Variants in ACTN1 observed in about 807,000 individuals in gnomAD.
The protein encoded by ACTN1 is alpha-actinin-1.
Under a neutral mutation model 119.6 loss-of-function variants are expected in ACTN1, and 30 were observed. The observed-to-expected ratio is 0.25, with a 90% CI of 0.19 to 0.34. The LOEUF is 0.34. Among genes scored for constraint, ACTN1 ranks in the 10% least tolerant of loss-of-function variants. The pLI is 1.00. For synonymous variants in ACTN1, 429 were observed against 472.6 expected, an observed-to-expected ratio of 0.91 and a Z score of 1.20; for missense variants, 764 against 1,223.4, an observed-to-expected ratio of 0.62 and a Z score of 5.60.
chr14:68,894,517 G>A (rs557092963), intron 8 of ACTN1, among the ~76,000 whole-genome samples: 7 of 152,302 alleles, frequency 4.6e-5, no homozygotes, highest in South Asian at 2.1e-4. Context: ...GTGGGAGAGC[G>A]CCTTCTGCAG....
intron 8 of ACTN1, among the ~76,000 whole-genome samples, chr14:68,894,644 G>A (rs1319217233): frequency 3.9e-5 from 6 of 151,998 alleles, no homozygotes; most frequent in African/African-American, 1.5e-4. Context: ...CCTACACCAA[G>A]GGGGAAGTGA....
At position 68,910,738 on chromosome 14, in the gene ACTN1, G is replaced by A. The variant is rs182493104; in HGVS notation, c.428-696C>T. On this transcript the variant is annotated intron_variant, in intron 4 of 21. Coordinates refer to ENST00000394419, the MANE Select transcript of ACTN1 (RefSeq NM_001130004.2). Reference sequence around the variant, plus strand: ...CATAATTCCCACGTGTTGTGGGAGAGAGACGGTGGGAGATGATTGAGTCGT... The same window carrying A: ...CATAATTCCCACGTGTTGTGGGAGAAAGACGGTGGGAGATGATTGAGTCGT... Among the ~76,000 whole-genome samples the A allele has an allele frequency of 2.1e-3, 320 of 152,300 alleles. 1 individual carries two copies. Among genetic ancestry groups the A allele is most frequent in the Middle Eastern group, 0.014 (4 of 294 alleles).
rs528477607 is a variant in ACTN1, at chr14:68,936,528, A to G, written c.106-10856T>C. On this transcript the variant is annotated intron_variant, in intron 1 of 21. Transcript: ENST00000394419. ...TTTTTTTTTTTTAAGTATGCAAATAAAAGAACAGTCTGTCTAGGGGGTGGC... is the reference window on the plus strand; with the variant it reads ...TTTTTTTTTTTTAAGTATGCAAATAGAAGAACAGTCTGTCTAGGGGGTGGC... 438 of 312,980 alleles carry G rather than the reference A, an allele frequency of 1.4e-3. 11 individuals carry two copies. In the South Asian group the frequency reaches 0.023, roughly 16 times the overall value. The allele number at this position is 312,980 out of a possible 1,614,324, so 19.4% of individuals were successfully genotyped here. A position where few individuals can be genotyped will look rare whatever the true frequency, so the allele number is the denominator to read the frequency against.
chr14:68,973,626 C>T (rs1386497895), intron 1 of ACTN1, among the ~76,000 whole-genome samples: 4 of 152,164 alleles, frequency 2.6e-5, no homozygotes, highest in Non-Finnish European at 4.4e-5. Context: ...CTTGGTCATG[C>T]ATGAAGAGGG....
chr14:68,892,535 G>C (rs1416371222), intron 9 of ACTN1, among the ~76,000 whole-genome samples: 1 of 152,154 alleles, frequency 6.6e-6, no homozygotes, highest in Non-Finnish European at 1.5e-5. Flanking sequence ...CAACCTCCCT[G>C]CTTTGCTAAG....
In ACTN1 at chr14:68,875,014, A is replaced by G. The variant is rs752923320; in HGVS notation, c.2590T>C (p.Tyr864His). ...CGGCGCAGCTCGTCCATGGTAATGT[A>G]GTTCTGCGAGGAGAGAGTGGTCAGG... Reference protein sequence around the residue: ...SFKILAGDKNYITMDELRREL... With the variant: ...SFKILAGDKNHITMDELRREL... Residue 864 changes from tyrosine to histidine, a missense_variant, in exon 22 of 22, where the codon TAC becomes CAC. Around this residue, in one of 4 missense-constraint regions of ACTN1, gnomAD observed 102 missense variants for 78.2 expected, o/e 1.30. Coordinates refer to ENST00000394419, the MANE Select transcript of ACTN1 (RefSeq NM_001130004.2). 14 of 1,612,992 alleles carry G rather than the reference A, an allele frequency of 8.7e-6. No individual in the cohort carries two copies. The highest frequency in any genetic ancestry group is 1.2e-5 in the Non-Finnish European group (14 of 1,180,020).
At position 68,880,286 on chromosome 14, in the gene ACTN1, G is replaced by A. The variant is rs1449655392; in HGVS notation, c.2134-178C>T. ...GACAAGGACAACCTACTAGGACAAGGACCCTAGATGACCAAGGGGCAGGGT... is the reference window on the plus strand; with the variant it reads ...GACAAGGACAACCTACTAGGACAAGAACCCTAGATGACCAAGGGGCAGGGT... On this transcript the variant is annotated intron_variant, in intron 17 of 21. Transcript: ENST00000394419. This position sits in a 1 kb window ranked among gnomAD's most constrained non-coding sequence, Gnocchi z 4.6. 6.6e-6 allele frequency among the ~76,000 whole-genome samples: 1 copy of A among 152,180 alleles called. No homozygotes were observed.
intron 1 of ACTN1, among the ~76,000 whole-genome samples, chr14:68,931,544 G>A (rs537288663): frequency 6.6e-6 from 1 of 152,288 alleles, no homozygotes; most frequent in Admixed American, 6.5e-5. Context: ...AGGCAGAATA[G>A]GCCAGTGGTG....
intron 1 of ACTN1, among the ~76,000 whole-genome samples, chr14:68,935,538 A>G (rs2035459201): frequency 6.6e-6 from 1 of 151,632 alleles, no homozygotes. Context: ...GGCGCGTGCC[A>G]CCACGCCCGG....
rs757704267 is a variant in ACTN1, at chr14:68,879,963, C to A, written c.2279G>T (p.Arg760Leu). ...GAAAGCACAGGATGGGGCTCTCACC[C>A]GGTCAAAGTGGTTGAAGGAGGCCCG... ...EFRASFNHFD[R>L]DHSGTLGPEE... is the part of the protein sequence containing the mutation. The change falls in exon 18 of 22, where the codon CGG (arginine) becomes CTG (leucine). Residue 760 changes from arginine to leucine, a missense_variant and splice_region_variant. Around this residue, in one of 4 missense-constraint regions of ACTN1, gnomAD observed 544 missense variants for 912.0 expected, o/e 0.60. Coordinates refer to ENST00000394419, the MANE Select transcript of ACTN1 (RefSeq NM_001130004.2). This position sits in a 1 kb window ranked among gnomAD's most constrained non-coding sequence, Gnocchi z 4.9. 6.2e-7 allele frequency: 1 copy of A among 1,614,002 alleles called. No individual in the cohort carries two copies. Among genetic ancestry groups the A allele is most frequent in the Admixed American group, 1.7e-5 (1 of 60,022 alleles).
chr14:68,927,531 T>G (rs1195605389), intron 1 of ACTN1, among the ~76,000 whole-genome samples: 1 of 152,176 alleles, frequency 6.6e-6, no homozygotes, highest in African/African-American at 2.4e-5. Flanking sequence ...GGGAACTGGA[T>G]GCAAAGCTGA....
chr14:68,935,616 C>T (rs367991854), intron 1 of ACTN1, among the ~76,000 whole-genome samples: 1 of 151,366 alleles, frequency 6.6e-6, no homozygotes, highest in Non-Finnish European at 1.5e-5. Flanking sequence ...AAACTCCTGA[C>T]CTCAAGCGAT....
intron 1 of ACTN1, among the ~76,000 whole-genome samples, chr14:68,935,866 G>A (rs527282021): frequency 6.6e-6 from 1 of 152,294 alleles, no homozygotes; most frequent in East Asian, 1.9e-4. Flanking sequence ...GACAGCCCAG[G>A]CTCCAAACTC....
rs531129089 is a variant in ACTN1 at position 68,976,304 on chromosome 14, C to T, written c.105+2648G>A. On this transcript the variant is annotated intron_variant, in intron 1 of 21. Transcript: ENST00000394419. ...CTCACTCCCCTGCCTCCCTCTGGAACCATCAGCCTCTGTCCACTTGTGGAC... is the reference window on the plus strand; with the variant it reads ...CTCACTCCCCTGCCTCCCTCTGGAATCATCAGCCTCTGTCCACTTGTGGAC... 5.9e-5 allele frequency among the ~76,000 whole-genome samples: 9 copies of T among 152,264 alleles called. No individual in the cohort carries two copies. In the East Asian group the frequency reaches 1.7e-3, roughly 29 times the overall value.
At chr14:68,950,475 T>TATATATATATATATATAA (rs1566667512) in intron 1 of ACTN1, among the ~76,000 whole-genome samples, 4 of 149,450 alleles carry the variant, frequency 2.7e-5, no homozygotes, top group African/African-American at 1.0e-4. Flanking sequence ...TATATATATA[T>TATATATATATATATATAA]ATAAATCAAA....
chr14:68,943,538 C>A (rs72733540), intron 1 of ACTN1, among the ~76,000 whole-genome samples: 6 of 152,090 alleles, frequency 3.9e-5, no homozygotes, highest in Non-Finnish European at 5.9e-5. Flanking sequence ...CCCCCTCCCC[C>A]CAACCTTGAA....
At chr14:68,895,198 G>A (rs1309416482) in intron 8 of ACTN1, among the ~76,000 whole-genome samples, 1 of 152,038 alleles carries the variant, frequency 6.6e-6, no homozygotes, top group East Asian at 1.9e-4. Flanking sequence ...CCCCTGAGGT[G>A]GGGACTTTGA....
chr14:68,884,675 C>T lies in ACTN1; in HGVS notation c.1494+100G>A, dbSNP rs2031846319. On this transcript the variant is annotated intron_variant, in intron 13 of 21. Coordinates refer to ENST00000394419, the MANE Select transcript of ACTN1 (RefSeq NM_001130004.2). The stretch of plus-strand genomic sequence containing the variant: ...AGGGTTGGGGGAGGTCTGGGGAAGC[C>T]ATAGAGTCTTTTAGCCCAAAGCAAA... The T allele has an allele frequency of 3.1e-5, 32 of 1,046,322 alleles. 1 individual carries two copies. In the South Asian group the frequency reaches 3.6e-4, roughly 12 times the overall value. 64.8% of individuals were successfully genotyped at this position (1,046,322 alleles called of 1,614,324 possible).
chr14:68,881,191 A>G (rs2031474043), intron 16 of ACTN1: 1 of 555,296 alleles, frequency 1.8e-6, no homozygotes, highest in Admixed American at 3.1e-5. Context: ...ACAGAGGTAT[A>G]TAACAAGCAC....
Sources: allele counts gnomAD v4.1 joint callset (sites outside exome capture counted in the v4.1 genomes callset), GRCh38; gene constraint gnomAD v4.1.1; regional missense constraint gnomAD v4.1.1; non-coding constraint Gnocchi (gnomAD v3.1); transcripts MANE v1.5; gene names NCBI Gene and HGNC (gene_info 2026-07-23, HGNC 2026-07-21).